The following ACMSD variants were observed in gnomAD, a reference collection of about 807,000 sequenced individuals.
The protein encoded by ACMSD is 2-amino-3-carboxymuconate-6-semialdehyde decarboxylase.
In ACMSD, 37 loss-of-function variants were observed where a neutral mutation model predicts 45.9. The observed-to-expected ratio is 0.81, with a 90% CI of 0.62 to 1.06. ACMSD has a LOEUF of 1.06. Among genes scored for constraint, ACMSD ranks in the 50% least tolerant of loss-of-function variants. ACMSD has a pLI of 0.00. For missense variants in ACMSD, 434 were observed against 420.9 expected (o/e 1.03, Z -0.27); for synonymous variants, 138 against 148.8 (o/e 0.93, Z 0.53).
At chr2:134,845,578 C>T (rs934841594) in intron 2 of ACMSD, among the ~76,000 whole-genome samples, 2 of 145,964 alleles carry the variant, frequency 1.4e-5, no homozygotes, top group African/African-American at 5.1e-5. Context: ...CCCCACCAAC[C>T]AGTTTTAGCA....
At position 134,891,689 on chromosome 2, in the gene ACMSD, A is replaced by G. The variant is rs147567598; in HGVS notation, c.850-6652A>G. On this transcript the variant is annotated intron_variant, in intron 8 of 9. Coordinates refer to ENST00000356140, the MANE Select transcript of ACMSD (RefSeq NM_138326.3). ...CAGTATTGAAATTTCACAAAGAACT[A>G]AAAATAGAACTACAATTCAATTCAG... Among the ~76,000 whole-genome samples, 659 of 152,306 alleles carry G rather than the reference A, an allele frequency of 4.3e-3. 4 individuals are homozygous for G. Among genetic ancestry groups the G allele is most frequent in the Middle Eastern group, 0.014 (4 of 294 alleles).
At position 134,844,941 on chromosome 2, in the gene ACMSD, C is replaced by T. The variant is rs6430544; in HGVS notation, c.58-292C>T. Among the ~76,000 whole-genome samples the T allele has an allele frequency of 8.7e-3, 1,327 of 152,244 alleles. 18 individuals are homozygous for T. The highest frequency in any genetic ancestry group is 0.03 in the African/African-American group (1,267 of 41,544). The stretch of plus-strand genomic sequence containing the variant: ...GCCTGTGAAATGATTTTAGGTGGCA[C>T]ATGAACAATATTTTTTCATGTTAAT... On this transcript the variant is annotated intron_variant, in intron 1 of 9. Transcript: ENST00000356140.
intron 1 of ACMSD, among the ~76,000 whole-genome samples, chr2:134,843,760 C>T (rs1686920584): frequency 6.6e-6 from 1 of 152,250 alleles, no homozygotes; most frequent in Non-Finnish European, 1.5e-5. Context: ...TTCCTTCCCT[C>T]TGACACCACA....
chr2:134,890,785 T>A (rs1327515347), intron 8 of ACMSD, among the ~76,000 whole-genome samples: 1 of 151,928 alleles, frequency 6.6e-6, no homozygotes, highest in Non-Finnish European at 1.5e-5. Flanking sequence ...TAAATCTGGG[T>A]GAAGATTACA....
intron 8 of ACMSD, among the ~76,000 whole-genome samples, chr2:134,878,908 A>G (rs1200357510): frequency 2.0e-5 from 3 of 152,160 alleles, no homozygotes; most frequent in Admixed American, 6.5e-5. Context: ...GCCCTTCTCT[A>G]CCTTTGGGTT....
At chr2:134,893,209 A>ATTTTTT (rs10572074) in intron 8 of ACMSD, among the ~76,000 whole-genome samples, 1 of 132,720 alleles carries the variant, frequency 7.5e-6, no homozygotes, top group East Asian at 2.3e-4. Flanking sequence ...ATCACACTGC[A>ATTTTTT]TTTTTTTTTT....
At chr2:134,899,900 C>A (rs1321145517) in intron 9 of ACMSD, among the ~76,000 whole-genome samples, 1 of 152,080 alleles carries the variant, frequency 6.6e-6, no homozygotes, top group Non-Finnish European at 1.5e-5. Flanking sequence ...AGATCCAATA[C>A]CTCTTTTGTG....
intron 8 of ACMSD, among the ~76,000 whole-genome samples, chr2:134,885,554 A>G (rs1224137512): frequency 6.7e-6 from 1 of 149,540 alleles, no homozygotes; most frequent in Non-Finnish European, 1.5e-5. Flanking sequence ...TTGTTAAAGT[A>G]GCTGTCATAT....
chr2:134,839,539 C>T (rs916297086), intron 1 of ACMSD, among the ~76,000 whole-genome samples: 4 of 152,116 alleles, frequency 2.6e-5, no homozygotes, highest in East Asian at 1.9e-4. Context: ...TTCACACCAC[C>T]GATAATGTTT....
chr2:134,885,265 AT>A (rs1689272860), intron 8 of ACMSD, among the ~76,000 whole-genome samples: 2 of 90,456 alleles, frequency 2.2e-5, no homozygotes, highest in African/African-American at 9.4e-5. Flanking sequence ...TAATATATAT[AT>A]AAATATATAT....
rs1457118577 is a variant in ACMSD at position 134,898,346 on chromosome 2, A to G, written c.855A>G (p.Lys285=). The G allele has an allele frequency of 1.9e-6, 3 of 1,582,758 alleles. No individual in the cohort carries two copies. The highest frequency in any genetic ancestry group is 1.4e-5 in the African/African-American group (1 of 73,296). ...KLLTDVIGKD[K]VILGTDYPFP... ...ATATATATTTTGTTTTTTAGGATAA[A>G]GTCATTTTGGGAACCGATTACCCCT... is the stretch of plus-strand genomic sequence containing the variant. The change falls in exon 9 of 10, where the codon AAA becomes AAG. Residue 285 remains lysine (K), a synonymous_variant. Transcript: ENST00000356140.
intron 8 of ACMSD, among the ~76,000 whole-genome samples, chr2:134,886,452 G>C (rs886787469): frequency 4.6e-5 from 7 of 151,716 alleles, no homozygotes; most frequent in Non-Finnish European, 1.5e-5. Context: ...GTTTCACCGC[G>C]TTAGCCAGGA....
intron 2 of ACMSD, among the ~76,000 whole-genome samples, chr2:134,853,327 C>A (rs1244635591): frequency 1.3e-5 from 2 of 151,910 alleles, no homozygotes; most frequent in Non-Finnish European, 2.9e-5. Context: ...CCCTAGGAAT[C>A]AGACTCCAAG....
At chr2:134,884,068 T>G (rs1377868132) in intron 8 of ACMSD, among the ~76,000 whole-genome samples, 1 of 152,212 alleles carries the variant, frequency 6.6e-6, no homozygotes, top group Non-Finnish European at 1.5e-5. Flanking sequence ...TTCAATGAGA[T>G]GTACAGACAG....
At chr2:134,858,438 T>A (rs1687682592) in intron 2 of ACMSD, among the ~76,000 whole-genome samples, 1 of 152,256 alleles carries the variant, frequency 6.6e-6, no homozygotes, top group South Asian at 2.1e-4. Context: ...TAAGTTCATA[T>A]CTATTGCACA....
chr2:134,858,401 T>G (rs761459830), intron 2 of ACMSD, among the ~76,000 whole-genome samples: 6 of 152,160 alleles, frequency 3.9e-5, no homozygotes, highest in Non-Finnish European at 8.8e-5. Flanking sequence ...GGTCAGAGGA[T>G]ATGAAATTTC....
chr2:134,871,447 T>C (rs536808445), intron 7 of ACMSD, among the ~76,000 whole-genome samples: 1 of 152,300 alleles, frequency 6.6e-6, no homozygotes, highest in African/African-American at 2.4e-5. Flanking sequence ...CCAGCCATCA[T>C]TCTAGTCACA....
At chr2:134,877,064 C>A (rs191921179) in intron 8 of ACMSD, among the ~76,000 whole-genome samples, 2 of 152,188 alleles carry the variant, frequency 1.3e-5, no homozygotes, top group Non-Finnish European at 2.9e-5. Flanking sequence ...TGAGCCACTG[C>A]GCCCAGTCTA....
chr2:134,859,184 C>A (rs1369110551), intron 2 of ACMSD, 77 bp from the exon 3 acceptor site: 9 of 1,134,334 alleles, frequency 7.9e-6, no homozygotes, highest in African/African-American at 1.6e-5. Context: ...GGAAGAAATA[C>A]GTTCTAAAGC....
Sources: allele counts gnomAD v4.1 joint callset (sites outside exome capture counted in the v4.1 genomes callset), GRCh38; gene constraint gnomAD v4.1.1; transcripts MANE v1.5; gene names NCBI Gene and HGNC (gene_info 2026-07-23, HGNC 2026-07-21).